CYLD: variants seen among roughly 807,000 people sequenced by gnomAD.
The protein encoded by CYLD is CYLD lysine 63 deubiquitinase, also known as ubiquitin carboxyl-terminal hydrolase CYLD.
CYLD carries 26 observed loss-of-function variants against 104.5 expected under a neutral mutation model. The observed-to-expected ratio is 0.25, with a 90% CI of 0.18 to 0.35. The LOEUF (loss-of-function observed/expected upper bound fraction) is 0.35, where lower values mean the gene tolerates loss of function less well. Among genes scored for constraint, CYLD ranks in the 10% least tolerant of loss-of-function variants. CYLD has a pLI of 1.00. For missense variants in CYLD, 703 were observed against 1,136.1 expected (o/e 0.62, Z 5.48); for synonymous variants, 385 against 399.9 (o/e 0.96, Z 0.45).
At chr16:50,767,682 C>T (rs190294162) in intron 5 of CYLD, among the ~76,000 whole-genome samples, 69 of 152,122 alleles carry the variant, frequency 4.5e-4, no homozygotes, top group Admixed American at 1.8e-3. Context: ...GATTGAGATA[C>T]CTGAACTATG....
rs1970315583 is a variant in CYLD, at chr16:50,782,486, A to C, written c.1826+20A>C. Reference sequence around the variant, plus strand: ...ATTCTGGTAAGTTTAAAAAGAATGCAATAGGTATAGATAGTGCCATGAGGC... The same window carrying C: ...ATTCTGGTAAGTTTAAAAAGAATGCCATAGGTATAGATAGTGCCATGAGGC... On this transcript the variant is annotated intron_variant, in intron 11 of 18. Transcript: ENST00000427738. 2 of 1,612,680 alleles carry C rather than the reference A, an allele frequency of 1.2e-6. No individual in the cohort carries two copies. Among genetic ancestry groups the C allele is most frequent in the Non-Finnish European group, 1.7e-6 (2 of 1,178,770 alleles).
Position 50,794,084 on chromosome 16 carries a change from C to T in CYLD, c.2470-128C>T, listed in dbSNP as rs545961666. ...CTGGGACTGCAGGCGCCTGCCACCA[C>T]GCCCAGCTAATTTTTGTATTTTTAA... On this transcript the variant is annotated intron_variant, in intron 17 of 18. Transcript: ENST00000427738. The surrounding 1 kb of genome is among the most constrained non-coding windows in gnomAD (Gnocchi z 4.1). The T allele has an allele frequency of 1.7e-5, 14 of 829,878 alleles. No individual in the cohort carries two copies. The highest frequency in any genetic ancestry group is 5.9e-5 in the South Asian group (4 of 68,316). The allele number at this position is 829,878 out of a possible 1,614,324, so 51.4% of individuals were successfully genotyped here. A position where few individuals can be genotyped will look rare whatever the true frequency, so the allele number is the denominator to read the frequency against.
chr16:50,782,916 ATTTTTTT>A (rs386384680), intron 11 of CYLD, among the ~76,000 whole-genome samples: 9 of 87,718 alleles, frequency 1.0e-4, no homozygotes, highest in Admixed American at 3.0e-4. Context: ...ACAACTTAAG[ATTTTTTT>A]TTTTTTTTTT....
At chr16:50,793,443 A>G (rs1971629308) in intron 16 of CYLD, 103 bp from the exon 17 acceptor site, 3 of 835,292 alleles carry the variant, frequency 3.6e-6, no homozygotes, top group East Asian at 4.8e-5. Context: ...GAAGCCATGA[A>G]CATTGTCCTT....
chr16:50,775,853 C>T (rs749697091), intron 6 of CYLD, among the ~76,000 whole-genome samples: 15 of 151,968 alleles, frequency 9.9e-5, no homozygotes, highest in Non-Finnish European at 1.0e-4. Flanking sequence ...TGTAAAAAAC[C>T]GAGTAAGATT....
At chr16:50,772,922 TTCAAG>T (rs1567441079) in intron 5 of CYLD, among the ~76,000 whole-genome samples, 3 of 152,202 alleles carry the variant, frequency 2.0e-5, no homozygotes, top group Non-Finnish European at 4.4e-5. Context: ...ATATGGCACC[TTCAAG>T]CATTTCTTGA....
rs1972047374 is a variant in CYLD at position 50,796,329 on chromosome 16, C to T, written c.2692C>T (p.Gln898Ter). The change falls in exon 19 of 19, where the codon CAG becomes TAG. Residue 898 changes from glutamine (Q) to a stop codon, truncating the protein, a stop_gained. Coordinates refer to ENST00000427738, the MANE Select transcript of CYLD (RefSeq NM_001378743.1). LOFTEE classifies it high-confidence loss of function. ...FDSMADRDGGQNGFNIPQVTP... is the reference protein window; with the variant it reads ...FDSMADRDGG ...GTTCTTCCTCTGTGCCATAGGTGGT[C>T]AGAATGGCTTCAACATTCCTCAAGT... is the stretch of plus-strand genomic sequence containing the variant. 1 of 1,614,094 alleles carries T rather than the reference C, an allele frequency of 6.2e-7. No homozygotes were observed. The highest frequency in any genetic ancestry group is 8.5e-7 in the Non-Finnish European group (1 of 1,180,000).
At chr16:50,754,908 CAT>C (rs745865601) in intron 5 of CYLD, among the ~76,000 whole-genome samples, 21 of 148,282 alleles carry the variant, frequency 1.4e-4, no homozygotes, top group African/African-American at 3.0e-4. Flanking sequence ...CATATACACA[CAT>C]ATATGTATAC....
At position 50,779,651 on chromosome 16, in the gene CYLD, G is replaced by T; in HGVS notation, c.1139-14G>T. Reference sequence around the variant, plus strand: ...TCCTTGAATACATTTCTGTAATTAGGAATAATTTTTTAGTTGCAGAAGACC... The same window carrying T: ...TCCTTGAATACATTTCTGTAATTAGTAATAATTTTTTAGTTGCAGAAGACC... On this transcript the variant is annotated splice_polypyrimidine_tract_variant and intron_variant, in intron 8 of 18. Coordinates refer to ENST00000427738, the MANE Select transcript of CYLD (RefSeq NM_001378743.1). 6.2e-7 allele frequency: 1 copy of T among 1,612,458 alleles called. No homozygotes were observed. The highest frequency in any genetic ancestry group is 1.1e-5 in the South Asian group (1 of 90,842).
intron 14 of CYLD, among the ~76,000 whole-genome samples, chr16:50,789,423 C>T (rs1971203547): frequency 6.6e-6 from 1 of 152,124 alleles, no homozygotes; most frequent in South Asian, 2.1e-4. Context: ...AATACACGCC[C>T]AGTAATAACA....
At chr16:50,780,172 C>A in intron 9 of CYLD, 128 bp downstream of exon 9, 1 of 1,183,400 alleles carries the variant, frequency 8.5e-7, no homozygotes. Context: ...GAATAATTTT[C>A]TCACCATGTT....
intron 4 of CYLD, among the ~76,000 whole-genome samples, chr16:50,753,758 C>G (rs1017874364): frequency 6.6e-6 from 1 of 152,180 alleles, no homozygotes; most frequent in East Asian, 1.9e-4. Flanking sequence ...ATTAGAATAT[C>G]AGATAATTAA....
At chr16:50,779,035 T>C (rs1053364020) in intron 8 of CYLD, among the ~76,000 whole-genome samples, 1 of 152,210 alleles carries the variant, frequency 6.6e-6, no homozygotes, top group African/African-American at 2.4e-5. Flanking sequence ...TTGTGTTTAT[T>C]CTGGCTTTGA....
rs745524548 is a variant in CYLD, at chr16:50,749,966, G to A, written c.268G>A (p.Val90Ile). ...AVLFVDEKDV[V>I]EINEKFTELL... Reference sequence around the variant, plus strand: ...TCTCTTTGTTGATGAAAAGGATGTTGTAGAGATAAATGAAAAGTTCACAGA... The same window carrying A: ...TCTCTTTGTTGATGAAAAGGATGTTATAGAGATAAATGAAAAGTTCACAGA... The change falls in exon 3 of 19, where the codon GTA (valine) becomes ATA (isoleucine). Residue 90 changes from valine to isoleucine, a missense_variant. Around this residue, in one of 5 missense-constraint regions of CYLD, gnomAD observed 142 missense variants for 165.1 expected, o/e 0.86. Transcript: ENST00000427738. 1.9e-6 allele frequency: 3 copies of A among 1,614,034 alleles called. No homozygotes were observed. Among genetic ancestry groups the A allele is most frequent in the African/African-American group, 1.3e-5 (1 of 74,942 alleles).
chr16:50,796,210 T>TA, intron 18 of CYLD, 114 bp from the exon 19 acceptor site: 1 of 983,540 alleles, frequency 1.0e-6, no homozygotes, highest in Admixed American at 2.3e-5. Context: ...AGAAGTAAAA[T>TA]AAAGGCTTTT....
chr16:50,783,400 A>G (rs1970470286), intron 11 of CYLD, among the ~76,000 whole-genome samples: 1 of 152,216 alleles, frequency 6.6e-6, no homozygotes, highest in African/African-American at 2.4e-5. Flanking sequence ...GAAGAAGAAT[A>G]AAGTGGCGGC....
At chr16:50,783,944 G>C (rs1567451025) in intron 11 of CYLD, 1 of 280,236 alleles carries the variant, frequency 3.6e-6, no homozygotes, top group South Asian at 3.8e-5. Context: ...AATAGTGCTT[G>C]CCTCGGGAAG....
chr16:50,776,112 T>C, intron 6 of CYLD, 67 bp from the exon 7 acceptor site: 1 of 1,147,080 alleles, frequency 8.7e-7, no homozygotes, highest in Non-Finnish European at 1.3e-6. Flanking sequence ...ATTTTGTTAC[T>C]GTCATTCCTT....
intron 5 of CYLD, among the ~76,000 whole-genome samples, chr16:50,759,229 G>A (rs1202442098): frequency 6.6e-6 from 1 of 152,096 alleles, no homozygotes; most frequent in African/African-American, 2.4e-5. Flanking sequence ...GTGACAGAGC[G>A]AGACTCCATC....
Sources: allele counts gnomAD v4.1 joint callset (sites outside exome capture counted in the v4.1 genomes callset), GRCh38; gene constraint gnomAD v4.1.1; regional missense constraint gnomAD v4.1.1; non-coding constraint Gnocchi (gnomAD v3.1); transcripts MANE v1.5; gene names NCBI Gene and HGNC (gene_info 2026-07-23, HGNC 2026-07-21).